The following CDH13 variants were observed in gnomAD, a reference collection of about 807,000 sequenced individuals.
CDH13 encodes the protein cadherin-13.
In CDH13, 24 loss-of-function variants were observed where a neutral mutation model predicts 63.8. That is an observed-to-expected ratio of 0.38 (90% CI 0.27 to 0.53). The LOEUF (loss-of-function observed/expected upper bound fraction) is 0.53, where lower values mean the gene tolerates loss of function less well. CDH13 is among the 20% of genes least tolerant of loss of function. The pLI is 0.85. For synonymous variants in CDH13, 503 were observed against 355.3 expected, an observed-to-expected ratio of 1.42 and a Z score of -4.67; for missense variants, 1,049 against 903.1, an observed-to-expected ratio of 1.16 and a Z score of -2.07.
intron 3 of CDH13, among the ~76,000 whole-genome samples, chr16:83,074,504 T>G (rs374729721): frequency 6.6e-6 from 1 of 152,362 alleles, no homozygotes; most frequent in East Asian, 1.9e-4. Flanking sequence ...TTCCTTGGTA[T>G]AAATACCAAG....
chr16:83,432,819 G>A (rs1453915739), intron 6 of CDH13, among the ~76,000 whole-genome samples: 1 of 152,154 alleles, frequency 6.6e-6, no homozygotes, highest in Non-Finnish European at 1.5e-5. Context: ...AGGTTGCTAG[G>A]AATATTTTCC....
intron 2 of CDH13, among the ~76,000 whole-genome samples, chr16:82,915,177 A>G (rs2041948995): frequency 6.6e-6 from 1 of 152,236 alleles, no homozygotes; most frequent in Non-Finnish European, 1.5e-5. Context: ...CTAGTATTGT[A>G]TGTACAATGA....
intron 1 of CDH13, among the ~76,000 whole-genome samples, chr16:82,718,678 A>G (rs562261979): frequency 2.6e-5 from 4 of 152,284 alleles, no homozygotes; most frequent in South Asian, 4.1e-4. Context: ...CACATCTCAC[A>G]TGGCAGCAGA....
chr16:83,048,881 C>T (rs1389154272), intron 3 of CDH13, among the ~76,000 whole-genome samples: 3 of 152,104 alleles, frequency 2.0e-5, no homozygotes, highest in South Asian at 2.1e-4. Context: ...CCTCCCTTCC[C>T]CAGTCTTGTT....
intron 10 of CDH13, among the ~76,000 whole-genome samples, chr16:83,720,921 G>A (rs1363073492): frequency 1.3e-5 from 2 of 152,196 alleles, no homozygotes; most frequent in African/African-American, 4.8e-5. Context: ...ACTGGCCTCT[G>A]GCAGAGCATT....
intron 5 of CDH13, among the ~76,000 whole-genome samples, chr16:83,295,443 TAAAAG>T (rs529182166): frequency 1.3e-4 from 19 of 151,886 alleles, no homozygotes; most frequent in Admixed American, 2.0e-4. Flanking sequence ...CCTATGGAAT[TAAAAG>T]AAAATATTTG....
At chr16:83,545,903 A>G (rs539551524) in intron 7 of CDH13, among the ~76,000 whole-genome samples, 5 of 152,248 alleles carry the variant, frequency 3.3e-5, no homozygotes, top group South Asian at 2.1e-4. Context: ...CATTCATTCA[A>G]TGACAACTAT....
intron 1 of CDH13, among the ~76,000 whole-genome samples, chr16:82,791,961 C>G (rs950827365): frequency 2.0e-5 from 3 of 152,162 alleles, no homozygotes; most frequent in African/African-American, 7.2e-5. Context: ...GCTCTAAGAA[C>G]AAAGACCCGC....
At chr16:83,000,174 C>T (rs948296476) in intron 2 of CDH13, among the ~76,000 whole-genome samples, 6 of 132,768 alleles carry the variant, frequency 4.5e-5, no homozygotes, top group African/African-American at 1.7e-4. Context: ...TCTTATTGGG[C>T]AATTCTATGT....
intron 6 of CDH13, among the ~76,000 whole-genome samples, chr16:83,388,518 T>A (rs555570473): frequency 3.9e-5 from 6 of 152,232 alleles, no homozygotes; most frequent in Admixed American, 3.9e-4. Flanking sequence ...TGTTTGGAGG[T>A]GGCACCATGG....
intron 2 of CDH13, among the ~76,000 whole-genome samples, chr16:82,985,283 G>C (rs1431039863): frequency 2.0e-5 from 3 of 152,130 alleles, no homozygotes; most frequent in South Asian, 4.1e-4. Flanking sequence ...GAGTTGAAAG[G>C]CATCTCTATT....
At chr16:82,667,623 A>G (rs192708849) in intron 1 of CDH13, among the ~76,000 whole-genome samples, 1 of 152,282 alleles carries the variant, frequency 6.6e-6, no homozygotes, top group East Asian at 1.9e-4. Context: ...CGTTGCCCCT[A>G]TCTGAAGTTG....
At chr16:83,700,981 A>G (rs1906132235) in intron 10 of CDH13, among the ~76,000 whole-genome samples, 1 of 152,150 alleles carries the variant, frequency 6.6e-6, no homozygotes, top group African/African-American at 2.4e-5. Flanking sequence ...CTTCTCAATA[A>G]AACAACATTC....
At chr16:83,056,547 G>C (rs2030966821) in intron 3 of CDH13, among the ~76,000 whole-genome samples, 1 of 152,170 alleles carries the variant, frequency 6.6e-6, no homozygotes, top group African/African-American at 2.4e-5. Flanking sequence ...GCCAGATAGG[G>C]AAGGGAATAT....
In CDH13 at chr16:83,296,141, G is replaced by C. The variant is rs2089591404; in HGVS notation, c.637-48721G>C. Among the ~76,000 whole-genome samples, 8 of 152,086 alleles carry C rather than the reference G, an allele frequency of 5.3e-5. No individual in the cohort carries two copies. In the South Asian group the frequency reaches 1.7e-3, roughly 32 times the overall value. On this transcript the variant is annotated intron_variant, in intron 5 of 13. Coordinates refer to ENST00000567109, the MANE Select transcript of CDH13 (RefSeq NM_001257.5). ...ACATTCTTAGCATTCTTTTCTCAGA[G>C]AACATGTGTATAGTCCTTGTATAGG...
At chr16:82,657,265 A>C (rs763518978) in intron 1 of CDH13, among the ~76,000 whole-genome samples, 2 of 152,216 alleles carry the variant, frequency 1.3e-5, no homozygotes, top group Non-Finnish European at 2.9e-5. Flanking sequence ...AAATGGAACA[A>C]TTATGACAAT....
intron 1 of CDH13, among the ~76,000 whole-genome samples, chr16:82,710,423 T>C (rs960857357): frequency 1.0e-4 from 15 of 144,794 alleles, no homozygotes; most frequent in African/African-American, 3.5e-4. Context: ...TCCCACCTAC[T>C]CGGGAGGCTG....
chr16:83,767,916 G>A lies in CDH13; in HGVS notation c.1682-12052G>A, dbSNP rs1597203893. Among the ~76,000 whole-genome samples the A allele has an allele frequency of 3.3e-5, 5 of 152,182 alleles. No homozygotes were observed. In the East Asian group the frequency reaches 9.7e-4, roughly 29 times the overall value. On this transcript the variant is annotated intron_variant, in intron 11 of 13. Transcript: ENST00000567109. ...GGGTGATGAAATGTTCTAAAAGTAG[G>A]TAGTGGTGATGGTCGCACAACTCTG...
intron 7 of CDH13, among the ~76,000 whole-genome samples, chr16:83,518,171 G>T (rs1232213924): frequency 1.3e-5 from 2 of 151,786 alleles, no homozygotes; most frequent in African/African-American, 4.8e-5. Context: ...TTGAGATGGA[G>T]TCTTGTTCTC....
Sources: gnomAD v4.1 joint callset for allele counts (sites outside exome capture counted in the v4.1 genomes callset) on GRCh38, gnomAD v4.1.1 for gene constraint, MANE v1.5 for transcripts, NCBI Gene and HGNC (gene_info 2026-07-23, HGNC 2026-07-21) for gene names.